The following COL22A1 variants were observed in gnomAD, a reference collection of about 807,000 sequenced individuals.
The protein encoded by COL22A1 is collagen type XXII alpha 1 chain, also known as collagen alpha-1(XXII) chain.
Under a neutral mutation model 248.9 loss-of-function variants are expected in COL22A1, and 221 were observed. That is an observed-to-expected ratio of 0.89 (90% confidence interval 0.80 to 0.99). The LOEUF is 0.99. Among genes scored for constraint, COL22A1 ranks in the 50% least tolerant of loss-of-function variants. COL22A1 has a pLI of 0.00. For missense variants in COL22A1, 2,240 were observed against 2,179.0 expected, an observed-to-expected ratio of 1.03 and a Z score of -0.56; for synonymous variants, 891 against 793.4, an observed-to-expected ratio of 1.12 and a Z score of -2.07.
At chr8:138,781,353 C>A (rs1249676040) in intron 12 of COL22A1, among the ~76,000 whole-genome samples, 1 of 152,138 alleles carries the variant, frequency 6.6e-6, no homozygotes, top group African/African-American at 2.4e-5. Context: ...GGCTCTCAAC[C>A]TTGGCATCAT....
chr8:138,790,242 GACATGGTGAA>G (rs1326327122), intron 12 of COL22A1, among the ~76,000 whole-genome samples: 1 of 152,176 alleles, frequency 6.6e-6, no homozygotes, highest in African/African-American at 2.4e-5. Flanking sequence ...ACGGTAACCT[GACATGGTGAA>G]AAGGACAAAC....
At chr8:138,684,941 G>T (rs1482258706) in intron 38 of COL22A1, among the ~76,000 whole-genome samples, 1 of 152,176 alleles carries the variant, frequency 6.6e-6, no homozygotes, top group Admixed American at 6.5e-5. Flanking sequence ...GGATGTGTTT[G>T]CCTGACTGTC....
At position 138,676,550 on chromosome 8, in the gene COL22A1, A is replaced by G. The variant is rs780604389; in HGVS notation, c.3150+8T>C. ...AAGCAAGTAAGAGCTGGATAAATAA[A>G]GACTTACAGGAGGGCCAGCAACCCC... On this transcript the variant is annotated splice_region_variant and intron_variant, in intron 41 of 64. Transcript: ENST00000303045. 2 of 1,555,284 alleles carry G rather than the reference A, an allele frequency of 1.3e-6. No individual in the cohort carries two copies. Among genetic ancestry groups the G allele is most frequent in the South Asian group, 2.4e-5 (2 of 84,456 alleles).
chr8:138,769,565 C>T (rs1027359116), intron 16 of COL22A1, among the ~76,000 whole-genome samples: 20 of 152,240 alleles, frequency 1.3e-4, no homozygotes, highest in African/African-American at 4.8e-4. Flanking sequence ...TCCACCACCA[C>T]CCTGTTCTAG....
At chr8:138,676,760 G>A in intron 40 of COL22A1, 125 bp from the exon 41 acceptor site, 2 of 703,936 alleles carry the variant, frequency 2.8e-6, no homozygotes, top group East Asian at 5.7e-5. Context: ...GGCCTCCATG[G>A]GCCATGCTAT....
intron 3 of COL22A1, among the ~76,000 whole-genome samples, chr8:138,856,729 C>T (rs543812055): frequency 6.6e-6 from 1 of 152,060 alleles, no homozygotes; most frequent in Non-Finnish European, 1.5e-5. Context: ...GTGAGAGAGA[C>T]AGAGAGAGGA....
chr8:138,651,371 C>T (rs1416702050), intron 45 of COL22A1, among the ~76,000 whole-genome samples: 2 of 152,172 alleles, frequency 1.3e-5, no homozygotes, highest in Admixed American at 6.5e-5. Context: ...TATTCTTCCA[C>T]AGAGCATGAG....
At chr8:138,910,985 C>T (rs776709215) in intron 1 of COL22A1, among the ~76,000 whole-genome samples, 1 of 152,164 alleles carries the variant, frequency 6.6e-6, no homozygotes, top group East Asian at 1.9e-4. Flanking sequence ...AGGAGGGGAC[C>T]AGCAGACTAT....
intron 55 of COL22A1, 81 bp from the exon 56 acceptor site, chr8:138,614,001 A>C: frequency 1.8e-6 from 2 of 1,136,976 alleles, no homozygotes; most frequent in South Asian, 2.6e-5. Context: ...ATGTTAACCA[A>C]ACCTCGCCAA....
intron 11 of COL22A1, among the ~76,000 whole-genome samples, chr8:138,797,787 T>C (rs527952773): frequency 6.1e-4 from 93 of 152,304 alleles, no homozygotes; most frequent in Middle Eastern, 6.8e-3. Context: ...CTATTGTTGA[T>C]TGGTTTTTCA....
intron 11 of COL22A1, among the ~76,000 whole-genome samples, chr8:138,800,649 A>T (rs1252628945): frequency 6.6e-6 from 1 of 152,190 alleles, no homozygotes; most frequent in Non-Finnish European, 1.5e-5. Flanking sequence ...AGAGCTGCTG[A>T]TGATATCAGG....
At chr8:138,805,875 T>C (rs893909038) in intron 10 of COL22A1, among the ~76,000 whole-genome samples, 6 of 143,158 alleles carry the variant, frequency 4.2e-5, no homozygotes, top group African/African-American at 1.6e-4. Flanking sequence ...AGATGGTGTG[T>C]TTGTGTGTGA....
At chr8:138,715,792 C>A (rs1324985576) in intron 29 of COL22A1, 57 bp from the exon 30 acceptor site, 5 of 1,264,950 alleles carry the variant, frequency 4.0e-6, no homozygotes, top group Non-Finnish European at 5.7e-6. Context: ...TGAATTCCTG[C>A]CTCTTCAAGG....
chr8:138,830,114 T>C (rs1819922448), intron 5 of COL22A1, among the ~76,000 whole-genome samples: 1 of 152,192 alleles, frequency 6.6e-6, no homozygotes, highest in Admixed American at 6.5e-5. Context: ...ACAAATAATA[T>C]AGCAGATATG....
intron 12 of COL22A1, among the ~76,000 whole-genome samples, chr8:138,782,825 C>T (rs749020839): frequency 2.8e-5 from 4 of 142,296 alleles, no homozygotes; most frequent in African/African-American, 9.2e-5. Context: ...CGATGACAGA[C>T]GGATCAATGG....
intron 12 of COL22A1, among the ~76,000 whole-genome samples, chr8:138,791,529 G>C (rs940224732): frequency 2.6e-5 from 4 of 152,220 alleles, no homozygotes; most frequent in African/African-American, 9.6e-5. Context: ...ATCTGGAGCA[G>C]AGGAATTCCA....
In COL22A1 at chr8:138,626,138, T is replaced by C. The variant is rs550756882; in HGVS notation, c.3717+52A>G. ...ATATATTTTTGTTTCTTTGTTTTTA[T>C]AAAGAGAAACTAGTTTGTTTTTGTT... On this transcript the variant is annotated intron_variant, in intron 51 of 64. Coordinates refer to ENST00000303045, the MANE Select transcript of COL22A1 (RefSeq NM_152888.3). The C allele has an allele frequency of 9.1e-6, 13 of 1,424,990 alleles. No individual in the cohort carries two copies. The East Asian group carries it at 2.6e-4, about 28-fold the overall frequency. The allele number at this position is 1,424,990 out of a possible 1,614,324, so 88.3% of individuals were successfully genotyped here.
intron 56 of COL22A1, among the ~76,000 whole-genome samples, chr8:138,608,934 A>G (rs1044570663): frequency 6.6e-6 from 1 of 152,202 alleles, no homozygotes; most frequent in Admixed American, 6.5e-5. Flanking sequence ...TGTGTCTCCA[A>G]TGCAGTGCCA....
intron 1 of COL22A1, among the ~76,000 whole-genome samples, chr8:138,897,331 A>G (rs7812653): frequency 0.21 from 31,655 of 151,802 alleles, 3,564 homozygotes; most frequent in African/African-American, 0.31. Flanking sequence ...GCGATTCACA[A>G]GGTCAAGAGA....
Sources: gnomAD v4.1 joint callset for allele counts (sites outside exome capture counted in the v4.1 genomes callset) on GRCh38, gnomAD v4.1.1 for gene constraint, MANE v1.5 for transcripts, NCBI Gene and HGNC (gene_info 2026-07-23, HGNC 2026-07-21) for gene names.